The following CNTNAP2 variants were observed in gnomAD, a reference collection of about 807,000 sequenced individuals.
The protein encoded by CNTNAP2 is contactin associated protein 2, also known as contactin-associated protein-like 2.
A neutral mutation model predicts 155.2 loss-of-function variants in CNTNAP2; 98 were observed. The ratio of observed to expected loss-of-function variants is 0.63; its 90% CI spans 0.54 to 0.75. The LOEUF is 0.75. CNTNAP2 is among the 30% of genes least tolerant of loss of function. CNTNAP2 has a pLI of 0.00. For synonymous variants in CNTNAP2, 651 were observed against 631.2 expected (o/e 1.03, Z -0.47); for missense variants, 1,727 against 1,688.1 (o/e 1.02, Z -0.40).
chr7:148,300,127 G>T (rs1797356508), intron 21 of CNTNAP2, among the ~76,000 whole-genome samples: 1 of 152,176 alleles, frequency 6.6e-6, no homozygotes, highest in Admixed American at 6.5e-5. Flanking sequence ...TGTTTTTGCT[G>T]AATTGTTCTC....
intron 13 of CNTNAP2, among the ~76,000 whole-genome samples, chr7:147,795,911 A>C: frequency 6.6e-6 from 1 of 152,202 alleles, no homozygotes; most frequent in East Asian, 1.9e-4. Flanking sequence ...ACATAAGCAC[A>C]TAAGCCAGGC....
intron 9 of CNTNAP2, among the ~76,000 whole-genome samples, chr7:147,368,777 C>T (rs1796289982): frequency 6.6e-6 from 1 of 152,172 alleles, no homozygotes; most frequent in Non-Finnish European, 1.5e-5. Flanking sequence ...AAGAGTTCCT[C>T]TTATTGCTGA....
Position 148,420,712 on chromosome 7 carries a change from T to C in CNTNAP2, c.*5096T>C, listed in dbSNP as rs1159791185. ...CAGTTCTAGATTTTACTAAGTTTTATTTTGTCAGGTTTTTTAAATTTTTTC... is the reference window on the plus strand; with the variant it reads ...CAGTTCTAGATTTTACTAAGTTTTACTTTGTCAGGTTTTTTAAATTTTTTC... On this transcript the variant is annotated 3_prime_UTR_variant, in exon 24 of 24. Coordinates refer to ENST00000361727, the MANE Select transcript of CNTNAP2 (RefSeq NM_014141.6). 1 of 152,612 alleles carries C rather than the reference T, an allele frequency of 6.6e-6. No homozygotes were observed. The highest frequency in any genetic ancestry group is 2.4e-5 in the African/African-American group (1 of 41,440). The allele number at this position is 152,612 out of a possible 1,614,324, so 9.5% of individuals were successfully genotyped here.
rs117555950 is a variant in CNTNAP2, at chr7:147,727,660, C to T, written c.2098+88354C>T. Among the ~76,000 whole-genome samples the T allele has an allele frequency of 7.3e-5, 11 of 151,648 alleles. No homozygotes were observed. The East Asian group carries it at 1.9e-3, about 27-fold the overall frequency. On this transcript the variant is annotated intron_variant, in intron 13 of 23. Coordinates refer to ENST00000361727, the MANE Select transcript of CNTNAP2 (RefSeq NM_014141.6). ...ACTTATTTTACAGGTGAGGAAGCAGCTCGTAGCATTTTAGTAACATGTCCA... is the reference window on the plus strand; with the variant it reads ...ACTTATTTTACAGGTGAGGAAGCAGTTCGTAGCATTTTAGTAACATGTCCA...
chr7:148,031,102 T>C (rs956587671), intron 15 of CNTNAP2, among the ~76,000 whole-genome samples: 1 of 152,150 alleles, frequency 6.6e-6, no homozygotes, highest in East Asian at 1.9e-4. Flanking sequence ...ACGATGTGAT[T>C]AGGCCATCTG....
intron 20 of CNTNAP2, among the ~76,000 whole-genome samples, chr7:148,235,176 G>T (rs906341557): frequency 6.6e-6 from 1 of 152,064 alleles, no homozygotes; most frequent in Non-Finnish European, 1.5e-5. Context: ...ATATAAGCAC[G>T]GTAATTTCTT....
intron 22 of CNTNAP2, among the ~76,000 whole-genome samples, chr7:148,396,625 T>TA (rs1015709931): frequency 5.9e-5 from 9 of 152,204 alleles, no homozygotes; most frequent in African/African-American, 2.2e-4. Flanking sequence ...ATGAGGTTTT[T>TA]AACACATCAC....
intron 18 of CNTNAP2, among the ~76,000 whole-genome samples, chr7:148,194,078 C>T (rs1407287435): frequency 6.6e-6 from 1 of 151,582 alleles, no homozygotes; most frequent in Non-Finnish European, 1.5e-5. Flanking sequence ...TCAGATGATC[C>T]TCCTGCCTCA....
chr7:147,288,032 C>G (rs981119319), intron 8 of CNTNAP2, among the ~76,000 whole-genome samples: 2 of 152,028 alleles, frequency 1.3e-5, no homozygotes, highest in African/African-American at 4.8e-5. Context: ...TCCCCCTTAC[C>G]TTTTGCACTC....
At chr7:146,483,314 T>TATATAC (rs1797003808) in intron 1 of CNTNAP2, among the ~76,000 whole-genome samples, 1 of 91,208 alleles carries the variant, frequency 1.1e-5, no homozygotes, top group East Asian at 2.6e-4. Flanking sequence ...TATATATATA[T>TATATAC]ATATATATAT....
intron 1 of CNTNAP2, among the ~76,000 whole-genome samples, chr7:146,498,754 T>G (rs923395808): frequency 2.0e-5 from 3 of 151,996 alleles, no homozygotes; most frequent in Admixed American, 6.6e-5. Flanking sequence ...CCTTACTTTC[T>G]GGAGAGGAGA....
chr7:146,735,201 GA>G (rs1801591172), intron 1 of CNTNAP2, among the ~76,000 whole-genome samples: 1 of 152,080 alleles, frequency 6.6e-6, no homozygotes, highest in Non-Finnish European at 1.5e-5. Context: ...ATAAATTCCT[GA>G]AAATGCCATT....
At chr7:147,323,853 C>A (rs1023671847) in intron 9 of CNTNAP2, among the ~76,000 whole-genome samples, 2 of 150,932 alleles carry the variant, frequency 1.3e-5, no homozygotes, top group African/African-American at 4.9e-5. Context: ...AATCATATTT[C>A]TGTTCTCCAC....
chr7:147,236,012 C>T (rs941307655), intron 8 of CNTNAP2, among the ~76,000 whole-genome samples: 21 of 152,312 alleles, frequency 1.4e-4, no homozygotes, highest in African/African-American at 5.1e-4. Flanking sequence ...TAATTTGACT[C>T]TCTTTTCCAA....
At chr7:147,271,268 T>C (rs1804748266) in intron 8 of CNTNAP2, among the ~76,000 whole-genome samples, 2 of 152,178 alleles carry the variant, frequency 1.3e-5, no homozygotes, top group African/African-American at 4.8e-5. Context: ...TTTTCCTCTC[T>C]CCATTGAACT....
At chr7:147,202,823 G>A (rs1457752823) in intron 8 of CNTNAP2, among the ~76,000 whole-genome samples, 2 of 148,582 alleles carry the variant, frequency 1.3e-5, no homozygotes, top group Non-Finnish European at 3.0e-5. Flanking sequence ...GGTAGTGATA[G>A]CATTAGGAGA....
At chr7:148,019,991 G>A (rs1464462338) in intron 15 of CNTNAP2, among the ~76,000 whole-genome samples, 2 of 151,986 alleles carry the variant, frequency 1.3e-5, no homozygotes, top group African/African-American at 4.8e-5. Context: ...CACCATGTTG[G>A]TCAGTCTGTT....
At chr7:148,406,159 G>A (rs1585350808) in intron 22 of CNTNAP2, among the ~76,000 whole-genome samples, 2 of 152,012 alleles carry the variant, frequency 1.3e-5, no homozygotes, top group Admixed American at 6.5e-5. Context: ...GTGAACCCAG[G>A]AGGCAGAGCT....
At chr7:148,161,214 A>G (rs7801396) in intron 17 of CNTNAP2, among the ~76,000 whole-genome samples, 3,855 of 152,320 alleles carry the variant, frequency 0.025, 162 homozygotes, top group African/African-American at 0.087. Flanking sequence ...TGTCGGCACC[A>G]TAACGCAGGT....
Sources: gnomAD v4.1 joint callset for allele counts (sites outside exome capture counted in the v4.1 genomes callset) on GRCh38, gnomAD v4.1.1 for gene constraint, MANE v1.5 for transcripts, NCBI Gene and HGNC (gene_info 2026-07-23, HGNC 2026-07-21) for gene names.